Variants in PMPCB observed in about 807,000 individuals in gnomAD.
The protein encoded by PMPCB is peptidase, mitochondrial processing subunit beta, also known as mitochondrial-processing peptidase subunit beta.
A neutral mutation model predicts 61.5 loss-of-function variants in PMPCB; 46 were observed. The observed-to-expected ratio is 0.75, with a 90% CI of 0.59 to 0.96. The LOEUF (loss-of-function observed/expected upper bound fraction) is 0.96. Ranked by LOEUF, PMPCB falls within the 40% of genes least tolerant of loss-of-function variation. The pLI, the probability that PMPCB is intolerant of heterozygous loss-of-function variation, is 0.00. For synonymous variants in PMPCB, 191 were observed against 201.6 expected (o/e 0.95, Z 0.44); for missense variants, 590 against 602.4 (o/e 0.98, Z 0.22).
At chr7:103,319,391 C>T (rs1039447752), downstream of PMPCB, among the ~76,000 whole-genome samples, 7 of 150,920 alleles carry the variant, frequency 4.6e-5, no homozygotes, top group Non-Finnish European at 8.9e-5. Context: ...GAGCCAAGAT[C>T]GTGCCACTGC....
At chr7:103,331,013 C>T (rs1394955373), downstream of PMPCB, among the ~76,000 whole-genome samples, 1 of 151,690 alleles carries the variant, frequency 6.6e-6, no homozygotes, top group African/African-American at 2.4e-5. Flanking sequence ...GGCTGGCATG[C>T]AATGGCACAA....
Position 103,313,228 on chromosome 7 carries a change from A to G in PMPCB, c.*957A>G. 6.9e-7 allele frequency: 1 copy of G among 1,444,128 alleles called. No homozygotes were observed. 89.5% of individuals were successfully genotyped at this position (1,444,128 alleles called of 1,614,324 possible). ...TGTGTCATTTTGAAAATAAACTTGT[A>G]GAGATGAGAGATACATATAGCCCTC... On this transcript the variant is annotated 3_prime_UTR_variant, in exon 13 of 13. Transcript: ENST00000249269.
At chr7:103,337,930 G>A in the PMPCB span, 2 of 713,304 alleles carry the variant, frequency 2.8e-6, no homozygotes, top group Non-Finnish European at 4.8e-6. Context: ...AGTCCAGTAA[G>A]AGGTTCTGTA....
the PMPCB span, among the ~76,000 whole-genome samples, chr7:103,343,852 A>G: frequency 1.3e-5 from 2 of 152,208 alleles, no homozygotes; most frequent in Admixed American, 1.3e-4. Flanking sequence ...ACGGAGACAC[A>G]TAAATGCAAC....
At position 103,300,162 on chromosome 7, in the gene PMPCB, C is replaced by T. The variant is rs1435354917; in HGVS notation, c.328-16C>T. ...AAGGGAGTTTGCATAATTTGTTTTT[C>T]CTCTTTTATTTCAAGGGCACCAAGA... On this transcript the variant is annotated splice_polypyrimidine_tract_variant and intron_variant, in intron 3 of 12. Coordinates refer to ENST00000249269, the MANE Select transcript of PMPCB (RefSeq NM_004279.3). 6.2e-7 allele frequency: 1 copy of T among 1,603,724 alleles called. No individual in the cohort carries two copies. The highest frequency in any genetic ancestry group is 2.2e-5 in the East Asian group (1 of 44,776).
In PMPCB at chr7:103,314,192, C is replaced by A; in HGVS notation, c.*1921C>A. On this transcript the variant is annotated 3_prime_UTR_variant, in exon 13 of 13. Transcript: ENST00000249269. ...TTGTATTGGTTTAAAGCCCTAAATA[C>A]CATAGATTTTATTTCCTCTCTTGGA... The A allele has an allele frequency of 1.0e-6, 1 of 985,304 alleles. No homozygotes were observed. 61.0% of individuals were successfully genotyped at this position (985,304 alleles called of 1,614,324 possible). A position where few individuals can be genotyped will look rare whatever the true frequency, so the allele number is the denominator to read the frequency against.
intron 3 of PMPCB, 90 bp downstream of exon 3, chr7:103,299,619 G>A (rs979524810): frequency 1.4e-6 from 1 of 697,446 alleles, no homozygotes; most frequent in Non-Finnish European, 2.5e-6. Context: ...AGCTCTTTCA[G>A]TAGTATAACA....
chr7:103,313,138 G>C lies in PMPCB; in HGVS notation c.*867G>C. Reference sequence around the variant, plus strand: ...AAATTTTTATTTGAAAACTGTCTTTGAACATGTTCTCAGACAAGTCTTGTG... The same window carrying C: ...AAATTTTTATTTGAAAACTGTCTTTCAACATGTTCTCAGACAAGTCTTGTG... On this transcript the variant is annotated 3_prime_UTR_variant, in exon 13 of 13. Coordinates refer to ENST00000249269, the MANE Select transcript of PMPCB (RefSeq NM_004279.3). The C allele has an allele frequency of 6.3e-7, 1 of 1,580,216 alleles. No homozygotes were observed.
intron 12 of PMPCB, chr7:103,321,865 AAG>A (rs957057799): frequency 2.6e-6 from 4 of 1,529,548 alleles, no homozygotes; most frequent in South Asian, 1.2e-5. Flanking sequence ...AACAAACAAA[AAG>A]AAGTATTTTT....
the PMPCB span, among the ~76,000 whole-genome samples, chr7:103,342,911 A>G: frequency 6.6e-6 from 1 of 150,768 alleles, no homozygotes; most frequent in African/African-American, 2.4e-5. Context: ...CCCGGCCTAG[A>G]CAAATAATTT....
chr7:103,317,203 T>G (rs1227156902), downstream of PMPCB: 1 of 563,012 alleles, frequency 1.8e-6, no homozygotes, highest in African/African-American at 1.9e-5. Flanking sequence ...TAGGTCTGCC[T>G]GAGGGACCAA....
intron 12 of PMPCB, among the ~76,000 whole-genome samples, chr7:103,321,417 C>T (rs973654633): frequency 2.0e-5 from 3 of 151,818 alleles, no homozygotes; most frequent in Non-Finnish European, 4.4e-5. Flanking sequence ...ACTCAGGAGG[C>T]TGAGGCAGGA....
chr7:103,325,515 G>A (rs1818659830), intron 12 of PMPCB, among the ~76,000 whole-genome samples: 1 of 151,382 alleles, frequency 6.6e-6, no homozygotes, highest in Admixed American at 6.6e-5. Context: ...ACTAGGTGGC[G>A]CCAAACCGCT....
intron 12 of PMPCB, chr7:103,319,722 A>C (rs1278990957): frequency 3.1e-6 from 5 of 1,614,152 alleles, no homozygotes; most frequent in East Asian, 2.2e-5. Flanking sequence ...CCTAAGCTCA[A>C]GTGAAGACTT....
the PMPCB span, chr7:103,344,712 G>A: frequency 1.4e-6 from 2 of 1,381,164 alleles, no homozygotes; most frequent in Non-Finnish European, 2.0e-6. Flanking sequence ...CTCTCACTCC[G>A]AGCCTCGCGC....
At position 103,314,525 on chromosome 7, in the gene PMPCB, C is replaced by T. The variant is rs941744902; in HGVS notation, c.*2254C>T. The stretch of plus-strand genomic sequence containing the variant: ...CTCCCTCCAACATGGAAACAAGTCC[C>T]CCTAAGAAAGAGCTGAGACTAGTGT... On this transcript the variant is annotated 3_prime_UTR_variant, in exon 13 of 13. Transcript: ENST00000249269. The T allele has an allele frequency of 5.2e-5, 51 of 985,262 alleles. No individual in the cohort carries two copies. Among genetic ancestry groups the T allele is most frequent in the Admixed American group, 6.2e-5 (1 of 16,260 alleles). The allele number at this position is 985,262 out of a possible 1,614,324, so 61.0% of individuals were successfully genotyped here. A position where few individuals can be genotyped will look rare whatever the true frequency, so the allele number is the denominator to read the frequency against.
Position 103,311,853 on chromosome 7 carries a change from A to G in PMPCB, c.1286A>G (p.Tyr429Cys). 7 of 1,613,242 alleles carry G rather than the reference A, an allele frequency of 4.3e-6. No individual in the cohort carries two copies. The highest frequency in any genetic ancestry group is 5.9e-6 in the Non-Finnish European group (7 of 1,179,354). Reference protein sequence around the residue: ...CEDIGRQMLCYNRRIPIPELE... With the variant: ...CEDIGRQMLCCNRRIPIPELE... ...GATATTGGTAGGCAAATGTTATGCT[A>G]TAATAGAAGGATTCCCATCCCTGAG... Residue 429 changes from tyrosine (Y) to cysteine (C), a missense_variant, in exon 11 of 13, where the codon TAT becomes TGT. Tyr to Cys is a radical substitution (Grantham distance 194). Transcript: ENST00000249269.
the PMPCB span, among the ~76,000 whole-genome samples, chr7:103,342,299 A>AT: frequency 2.7e-5 from 4 of 150,402 alleles, no homozygotes; most frequent in Admixed American, 1.3e-4. Context: ...CAAATTATTT[A>AT]TTTTTTTACT....
At chr7:103,322,168 A>C in intron 12 of PMPCB, 2 of 1,034,352 alleles carry the variant, frequency 1.9e-6, no homozygotes, top group Non-Finnish European at 2.6e-6. Context: ...ACTTTTAATA[A>C]ATTATATTAG....
Sources: allele counts gnomAD v4.1 joint callset (sites outside exome capture counted in the v4.1 genomes callset), GRCh38; gene constraint gnomAD v4.1.1; transcripts MANE v1.5; gene names NCBI Gene and HGNC (gene_info 2026-07-23, HGNC 2026-07-21).